TOP3B: variants seen among roughly 807,000 people sequenced by gnomAD.
The protein encoded by TOP3B is DNA topoisomerase 3-beta-1.
In TOP3B, 45 loss-of-function variants were observed where a neutral mutation model predicts 93.9. The ratio of observed to expected loss-of-function variants is 0.48; its 90% CI spans 0.38 to 0.61. The LOEUF (loss-of-function observed/expected upper bound fraction) is 0.61. Among genes scored for constraint, TOP3B ranks in the 20% least tolerant of loss-of-function variants. The probability of loss-of-function intolerance (pLI) is 0.00; values close to 1 mark genes in which losing one functional copy is unlikely to be tolerated. For missense variants in TOP3B, 750 were observed against 1,156.1 expected (o/e 0.65, Z 5.09); for synonymous variants, 357 against 472.6 (o/e 0.76, Z 3.17).
chr22:21,974,303 T>C, intron 3 of TOP3B, 54 bp downstream of exon 3: 5 of 1,575,898 alleles, frequency 3.2e-6, no homozygotes, highest in Non-Finnish European at 4.3e-6. Context: ...AACTGGACCC[T>C]GGCCAGTGCC....
rs906986059 is a variant in TOP3B at position 21,971,459 on chromosome 22, G to A, written c.384+418C>T. On this transcript the variant is annotated intron_variant, in intron 5 of 17. Coordinates refer to ENST00000357179, the MANE Select transcript of TOP3B (RefSeq NM_001282112.2). This position sits in a 1 kb window ranked among gnomAD's most constrained non-coding sequence, Gnocchi z 4.6. ...GGAGGCAGGAGGCATCCTGGATGAG[G>A]CAGGAGATGAGCAGAGCGAGGCCTG... 2 of 324,960 alleles carry A rather than the reference G, an allele frequency of 6.2e-6. No homozygotes were observed. Among genetic ancestry groups the A allele is most frequent in the Non-Finnish European group, 1.2e-5 (2 of 166,164 alleles). 20.1% of individuals were successfully genotyped at this position (324,960 alleles called of 1,614,324 possible).
chr22:21,978,564 G>A (rs372638210), intron 1 of TOP3B, among the ~76,000 whole-genome samples: 2 of 152,136 alleles, frequency 1.3e-5, no homozygotes, highest in Non-Finnish European at 2.9e-5. Flanking sequence ...TGTGGAAGGA[G>A]CCCAGGCTGG....
At chr22:21,958,748 C>A in intron 16 of TOP3B, 55 bp from the exon 17 acceptor site, 1 of 1,521,374 alleles carries the variant, frequency 6.6e-7, no homozygotes, top group Admixed American at 2.0e-5. Context: ...CGACTTGGCA[C>A]CCACCCCCAC....
chr22:21,964,743 C>T (rs958978872), intron 9 of TOP3B: 1 of 211,222 alleles, frequency 4.7e-6, no homozygotes, highest in Non-Finnish European at 9.6e-6. Flanking sequence ...TCTGTCCTCA[C>T]AGCACTTTGG....
At position 21,958,420 on chromosome 22, in the gene TOP3B, G is replaced by A. The variant is rs536426790; in HGVS notation, c.2107+72C>T. 5.2e-5 allele frequency: 83 copies of A among 1,607,670 alleles called. No individual in the cohort carries two copies. In the East Asian group the frequency reaches 1.8e-3, roughly 36 times the overall value. The stretch of plus-strand genomic sequence containing the variant: ...GAGGGGTCCCCTCAGAGTCCAGCCT[G>A]GTGCAAGGCAGGGGTTGGCACTGAA... On this transcript the variant is annotated intron_variant, in intron 17 of 17. Coordinates refer to ENST00000357179, the MANE Select transcript of TOP3B (RefSeq NM_001282112.2).
chr22:21,960,540 G>A, intron 13 of TOP3B, 91 bp from the exon 14 acceptor site: 2 of 1,553,554 alleles, frequency 1.3e-6, no homozygotes, highest in Non-Finnish European at 1.7e-6. Flanking sequence ...GGCCCCTGGT[G>A]CTCAGGCCCT....
intron 7 of TOP3B, 171 bp downstream of exon 7, chr22:21,968,448 C>T (rs2071499963): frequency 1.4e-6 from 1 of 704,782 alleles, no homozygotes; most frequent in East Asian, 2.7e-5. Context: ...TCCCACTGCC[C>T]CCATGAAGGC....
At chr22:21,960,147 G>T in intron 14 of TOP3B, 174 bp downstream of exon 14, 1 of 961,348 alleles carries the variant, frequency 1.0e-6, no homozygotes, top group South Asian at 1.5e-5. Flanking sequence ...TCCTGCTCTG[G>T]GCAGGTCCTG....
intron 1 of TOP3B, among the ~76,000 whole-genome samples, chr22:21,978,520 G>GA (rs774505127): frequency 2.0e-5 from 3 of 152,202 alleles, no homozygotes; most frequent in Non-Finnish European, 4.4e-5. Flanking sequence ...CTGCCCATTG[G>GA]ACAGCCTGGG....
chr22:21,974,708 C>T (rs577200838), intron 2 of TOP3B: 16 of 413,348 alleles, frequency 3.9e-5, no homozygotes, highest in South Asian at 2.5e-4. Context: ...AGAGCACTCT[C>T]GATGCAGAGC....
Position 21,970,226 on chromosome 22 carries a change from C to T in TOP3B, c.565G>A (p.Gly189Ser). Residue 189 changes from glycine (G) to serine (S), a missense_variant, in exon 6 of 18, where the codon GGC becomes AGC. This residue lies in a region of TOP3B where 737 missense variants were observed against 933.7 expected (regional missense o/e 0.79). Coordinates refer to ENST00000357179, the MANE Select transcript of TOP3B (RefSeq NM_001282112.2). The surrounding 1 kb of genome is among the most constrained non-coding windows in gnomAD (Gnocchi z 4.4). The part of the protein sequence containing the change: ...DARQELDLRI[G>S]CAFTRFQTKY... The stretch of plus-strand genomic sequence containing the variant: ...GGCCAGCACCTGGTGAATGCACAGC[C>T]GATTCGCAGGTCCAGCTCCTGGCGA... 11 of 1,612,154 alleles carry T rather than the reference C, an allele frequency of 6.8e-6. No individual in the cohort carries two copies. The highest frequency in any genetic ancestry group is 1.1e-5 in the South Asian group (1 of 91,068).
intron 13 of TOP3B, chr22:21,962,098 G>A (rs1377178126): frequency 6.3e-6 from 8 of 1,265,170 alleles, no homozygotes; most frequent in Non-Finnish European, 8.1e-6. Flanking sequence ...GTGGACTCAG[G>A]GGACTGCCAA....
intron 3 of TOP3B, chr22:21,973,491 G>C (rs1331658232): frequency 7.8e-6 from 1 of 129,016 alleles, no homozygotes; most frequent in Non-Finnish European, 1.6e-5. Context: ...TCACTATGTT[G>C]TCCAGACTAG....
Position 21,958,467 on chromosome 22 carries a change from G to C in TOP3B, c.2107+25C>G. The C allele has an allele frequency of 1.2e-6, 2 of 1,613,770 alleles. 1 individual carries two copies. The highest frequency in any genetic ancestry group is 1.7e-6 in the Non-Finnish European group (2 of 1,179,988). Reference sequence around the variant, plus strand: ...TGAAAAGAGACTGCAGCTACCTGTGGACAGGAGGGAGTGGCTGCACTCACC... The same window carrying C: ...TGAAAAGAGACTGCAGCTACCTGTGCACAGGAGGGAGTGGCTGCACTCACC... On this transcript the variant is annotated intron_variant, in intron 17 of 17. Transcript: ENST00000357179.
chr22:21,971,566 T>G lies in TOP3B; in HGVS notation c.384+311A>C, dbSNP rs2071640216. The stretch of plus-strand genomic sequence containing the variant: ...AGAAGTCACGCTGGGCACAAGATGC[T>G]GAACACCAAGCTGCCCCAAGACAAT... On this transcript the variant is annotated intron_variant, in intron 5 of 17. Transcript: ENST00000357179. This position sits in a 1 kb window ranked among gnomAD's most constrained non-coding sequence, Gnocchi z 4.6. 2.4e-6 allele frequency: 1 copy of G among 417,262 alleles called. No individual in the cohort carries two copies. The highest frequency in any genetic ancestry group is 4.5e-6 in the Non-Finnish European group (1 of 220,882). 25.8% of individuals were successfully genotyped at this position (417,262 alleles called of 1,614,324 possible). A position where few individuals can be genotyped will look rare whatever the true frequency, so the allele number is the denominator to read the frequency against.
In TOP3B at chr22:21,962,586, C is replaced by A. The variant is rs1486009597; in HGVS notation, c.1368G>T (p.Met456Ile). ...CCTCCAGGGGCACGCTCTGCCAGGGCATGACCTCCGTGAAGCCTGGAGAGA... is the reference window on the plus strand; with the variant it reads ...CCTCCAGGGGCACGCTCTGCCAGGGAATGACCTCCGTGAAGCCTGGAGAGA... ...TVLSPGFTEV[M>I]PWQSVPLEES... The change falls in exon 13 of 18, where the codon ATG (methionine) becomes ATT (isoleucine). Residue 456 changes from methionine to isoleucine, a missense_variant. By Grantham distance (10) the Met-to-Ile change is conservative. Around this residue, in one of 4 missense-constraint regions of TOP3B, gnomAD observed 737 missense variants for 933.7 expected, o/e 0.79. Coordinates refer to ENST00000357179, the MANE Select transcript of TOP3B (RefSeq NM_001282112.2). 1.2e-6 allele frequency: 2 copies of A among 1,613,296 alleles called. No homozygotes were observed. The highest frequency in any genetic ancestry group is 1.1e-5 in the South Asian group (1 of 91,064).
intron 8 of TOP3B, chr22:21,966,444 G>A (rs1430056443): frequency 1.3e-5 from 2 of 152,222 alleles, no homozygotes; most frequent in Admixed American, 6.5e-5. Flanking sequence ...CTTGTTGTGG[G>A]GAGGGCTGCT....
rs754403230 is a variant in TOP3B at position 21,957,854 on chromosome 22, C to A, written c.2108-259G>T. The A allele has an allele frequency of 2.2e-5, 33 of 1,528,064 alleles. No individual in the cohort carries two copies. In the South Asian group the frequency reaches 2.5e-4, roughly 12 times the overall value. 94.7% of individuals were successfully genotyped at this position (1,528,064 alleles called of 1,614,324 possible). On this transcript the variant is annotated intron_variant, in intron 17 of 17. Coordinates refer to ENST00000357179, the MANE Select transcript of TOP3B (RefSeq NM_001282112.2). Reference sequence around the variant, plus strand: ...GTGGGTTTCAGCTGACTCCATCCCCCCTTTGCTTTGCTGCCAGCTTGTTAC... The same window carrying A: ...GTGGGTTTCAGCTGACTCCATCCCCACTTTGCTTTGCTGCCAGCTTGTTAC...
chr22:21,963,829 A>G lies in TOP3B; in HGVS notation c.1204+94T>C. On this transcript the variant is annotated intron_variant, in intron 11 of 17. Transcript: ENST00000357179. This position sits in a 1 kb window ranked among gnomAD's most constrained non-coding sequence, Gnocchi z 4.8. ...AGCCAGGGCAGGCAGAGGCTGAAGG[A>G]GCCCCCACATTGCCAACAGGGCCTG... is the stretch of plus-strand genomic sequence containing the variant. The G allele has an allele frequency of 7.6e-7, 1 of 1,319,970 alleles. No individual in the cohort carries two copies. Among genetic ancestry groups the G allele is most frequent in the Non-Finnish European group, 1.1e-6 (1 of 934,936 alleles). The allele number at this position is 1,319,970 out of a possible 1,614,324, so 81.8% of individuals were successfully genotyped here. A position where few individuals can be genotyped will look rare whatever the true frequency, so the allele number is the denominator to read the frequency against.
Sources: allele counts gnomAD v4.1 joint callset (sites outside exome capture counted in the v4.1 genomes callset), GRCh38; gene constraint gnomAD v4.1.1; regional missense constraint gnomAD v4.1.1; non-coding constraint Gnocchi (gnomAD v3.1); transcripts MANE v1.5; gene names NCBI Gene and HGNC (gene_info 2026-07-23, HGNC 2026-07-21).